Variants in ESRRG observed in about 807,000 individuals in gnomAD.
The protein encoded by ESRRG is estrogen-related receptor gamma.
A neutral mutation model predicts 44.0 loss-of-function variants in ESRRG; 13 were observed. That is an observed-to-expected ratio of 0.30 (90% CI 0.19 to 0.47). The LOEUF is 0.47. ESRRG is among the 20% of genes least tolerant of loss of function. The pLI, the probability that ESRRG is intolerant of heterozygous loss-of-function variation, is 1.00. For missense variants in ESRRG, 395 were observed against 580.6 expected, an observed-to-expected ratio of 0.68 and a Z score of 3.29; for synonymous variants, 215 against 214.6, an observed-to-expected ratio of 1.00 and a Z score of -0.02.
intron 2 of ESRRG, among the ~76,000 whole-genome samples, chr1:216,655,631 G>A (rs1559052185): frequency 6.6e-6 from 1 of 152,150 alleles, no homozygotes; most frequent in Admixed American, 6.5e-5. Flanking sequence ...GATAAACGGG[G>A]TCTCTTTCAC....
intron 1 of ESRRG, among the ~76,000 whole-genome samples, chr1:216,941,331 G>T (rs1454953673): frequency 2.0e-5 from 3 of 152,106 alleles, no homozygotes; most frequent in Non-Finnish European, 4.4e-5. Flanking sequence ...AAATCCTTCA[G>T]GTGCTGATTT....
intron 2 of ESRRG, among the ~76,000 whole-genome samples, chr1:216,817,108 T>C (rs1459686056): frequency 6.6e-6 from 1 of 151,132 alleles, no homozygotes; most frequent in South Asian, 2.1e-4. Flanking sequence ...GCAGACTTTC[T>C]TAAAAGGCGA....
chr1:216,967,973 T>C (rs2070814897), intron 1 of ESRRG, among the ~76,000 whole-genome samples: 1 of 152,220 alleles, frequency 6.6e-6, no homozygotes. Context: ...GTTGTTTTAA[T>C]TTGAAATTCC....
At position 217,051,299 on chromosome 1, in the gene ESRRG, C is replaced by T. The variant is rs138308239; in HGVS notation, c.-106+38208G>A. Reference sequence around the variant, plus strand: ...TTAGGTATTATCCTGAAGAAAGCTCCAGGCAACCTTAGGCTGATTCTTCAC... The same window carrying T: ...TTAGGTATTATCCTGAAGAAAGCTCTAGGCAACCTTAGGCTGATTCTTCAC... On this transcript the variant is annotated intron_variant, in intron 1 of 7. Transcript: ENST00000359162. Among the ~76,000 whole-genome samples, 614 of 151,614 alleles carry T rather than the reference C, an allele frequency of 4.0e-3. 3 individuals are homozygous for T. Among genetic ancestry groups the T allele is most frequent in the Non-Finnish European group, 6.3e-3 (430 of 67,940 alleles).
chr1:216,855,656 A>G (rs939422728), intron 2 of ESRRG, among the ~76,000 whole-genome samples: 3 of 152,112 alleles, frequency 2.0e-5, no homozygotes, highest in African/African-American at 7.2e-5. Flanking sequence ...CCTCTCTGTG[A>G]CACATCTGCG....
At chr1:217,110,448 T>C (rs546204826) in intron 1 of ESRRG, among the ~76,000 whole-genome samples, 13 of 152,322 alleles carry the variant, frequency 8.5e-5, no homozygotes, top group Admixed American at 2.6e-4. Flanking sequence ...CTTGCATTCC[T>C]ATAAGGAAAT....
chr1:216,978,072 C>T (rs540807700), intron 1 of ESRRG, among the ~76,000 whole-genome samples: 1 of 152,012 alleles, frequency 6.6e-6, no homozygotes, highest in Non-Finnish European at 1.5e-5. Flanking sequence ...ATTATCTAGT[C>T]GGCTGTATTA....
chr1:217,016,020 G>T (rs1174931416), intron 1 of ESRRG, among the ~76,000 whole-genome samples: 1 of 152,172 alleles, frequency 6.6e-6, no homozygotes, highest in East Asian at 1.9e-4. Flanking sequence ...GAGAAAGTTT[G>T]TGTCGATCTT....
chr1:217,056,619 A>C (rs2087150782), intron 1 of ESRRG, among the ~76,000 whole-genome samples: 1 of 151,604 alleles, frequency 6.6e-6, no homozygotes, highest in Non-Finnish European at 1.5e-5. Flanking sequence ...CATAAAGGAC[A>C]CAATTTACAA....
intron 2 of ESRRG, among the ~76,000 whole-genome samples, chr1:216,902,803 C>T (rs2059239147): frequency 6.6e-6 from 1 of 152,190 alleles, no homozygotes; most frequent in Admixed American, 6.5e-5. Flanking sequence ...ACATGCTGAT[C>T]TACTACATGA....
chr1:216,559,148 G>A (rs2058207277), intron 5 of ESRRG, among the ~76,000 whole-genome samples: 1 of 152,056 alleles, frequency 6.6e-6, no homozygotes, highest in South Asian at 2.1e-4. Flanking sequence ...GCAATTACTG[G>A]CGTGATCCAC....
At chr1:216,861,919 A>C (rs2096061011) in intron 2 of ESRRG, among the ~76,000 whole-genome samples, 1 of 152,188 alleles carries the variant, frequency 6.6e-6, no homozygotes. Context: ...AAGATATATG[A>C]ATGATAAATG....
intron 6 of ESRRG, among the ~76,000 whole-genome samples, chr1:216,516,666 C>CAGAG (rs777077033): frequency 0.19 from 24,512 of 127,644 alleles, 2,417 homozygotes; most frequent in Non-Finnish European, 0.26. Flanking sequence ...CACACACACA[C>CAGAG]ACAGAGAGAG....
Position 216,896,541 on chromosome 1 carries a change from G to GT in ESRRG, c.-14+43040dup, listed in dbSNP as rs1309994447. ...GGCAATGAAAAGGTTAGAAATGATA[G>GT]TTAAAAAAAGACAAATTACTCCAAA... On this transcript the variant is annotated intron_variant, in intron 2 of 7. Transcript: ENST00000359162. 3.9e-5 allele frequency among the ~76,000 whole-genome samples: 6 copies of GT among 152,058 alleles called. No individual in the cohort carries two copies. In the East Asian group the frequency reaches 9.6e-4, roughly 24 times the overall value.
At chr1:216,606,906 C>A (rs1370437115) in intron 3 of ESRRG, among the ~76,000 whole-genome samples, 3 of 152,100 alleles carry the variant, frequency 2.0e-5, no homozygotes, top group Non-Finnish European at 4.4e-5. Context: ...CACAGCACCA[C>A]TGTTGAGGGG....
chr1:217,123,837 G>A (rs1048306138), intron 1 of ESRRG, among the ~76,000 whole-genome samples: 1 of 151,996 alleles, frequency 6.6e-6, no homozygotes. Flanking sequence ...GTTGATAGGT[G>A]CAACTAACCA....
chr1:216,976,141 T>C (rs1223789702), intron 1 of ESRRG, among the ~76,000 whole-genome samples: 1 of 152,136 alleles, frequency 6.6e-6, no homozygotes, highest in Non-Finnish European at 1.5e-5. Flanking sequence ...AGTCCTACAT[T>C]AATCCAAAAA....
intron 1 of ESRRG, among the ~76,000 whole-genome samples, chr1:216,684,671 G>A (rs4085154): frequency 0.58 from 88,291 of 151,912 alleles, 25,756 homozygotes; most frequent in South Asian, 0.64. Flanking sequence ...CATCTACATC[G>A]GCTTTGAAGG....
In ESRRG at chr1:216,542,449, C is replaced by T. The variant is rs75184102; in HGVS notation, c.862+21770G>A. Among the ~76,000 whole-genome samples, 1,395 of 152,090 alleles carry T rather than the reference C, an allele frequency of 9.2e-3. 20 individuals are homozygous for T. Among genetic ancestry groups the T allele is most frequent in the African/African-American group, 0.032 (1,330 of 41,534 alleles). ...GAAAGAGAGAGCCACATCTCAGCAG[C>T]AGTGGATGATGCATCACACATATCC... On this transcript the variant is annotated intron_variant, in intron 5 of 6. Coordinates refer to ENST00000408911, the MANE Select transcript of ESRRG (RefSeq NM_001438.4).
Sources: gnomAD v4.1 joint callset for allele counts (sites outside exome capture counted in the v4.1 genomes callset) on GRCh38, gnomAD v4.1.1 for gene constraint, MANE v1.5 for transcripts, NCBI Gene and HGNC (gene_info 2026-07-23, HGNC 2026-07-21) for gene names.